Variants in STAM observed in about 807,000 individuals in gnomAD.
The protein encoded by STAM is signal transducing adapter molecule 1.
STAM carries 16 observed loss-of-function variants against 63.4 expected under a neutral mutation model. The ratio of observed to expected loss-of-function variants is 0.25; its 90% CI spans 0.17 to 0.38. The LOEUF is 0.38. STAM is among the 10% of genes least tolerant of loss of function. The pLI is 1.00. For missense variants in STAM, 636 were observed against 657.1 expected (o/e 0.97, Z 0.35); for synonymous variants, 238 against 223.9 (o/e 1.06, Z -0.56).
chr10:17,697,702 T>G lies in STAM; in HGVS notation c.823+833T>G, dbSNP rs950560284. 4.0e-5 allele frequency among the ~76,000 whole-genome samples: 6 copies of G among 151,624 alleles called. No homozygotes were observed. In the Admixed American group the frequency reaches 4.0e-4, roughly 10 times the overall value. On this transcript the variant is annotated intron_variant, in intron 8 of 13. Coordinates refer to ENST00000377524, the MANE Select transcript of STAM (RefSeq NM_003473.4). ...TGATGAGTTTAGTCATCAAGCAAAG[T>G]TTAAGTCATAATCTCCCCTCTAGGA...
chr10:17,657,270 A>G (rs1392751097), intron 1 of STAM, among the ~76,000 whole-genome samples: 1 of 152,068 alleles, frequency 6.6e-6, no homozygotes, highest in Non-Finnish European at 1.5e-5. Context: ...CCAATTTATC[A>G]CTTTTAGAGA....
intron 12 of STAM, among the ~76,000 whole-genome samples, chr10:17,707,005 A>T (rs1554829353): frequency 6.6e-6 from 1 of 152,220 alleles, no homozygotes; most frequent in Admixed American, 6.5e-5. Flanking sequence ...TTACATGAGA[A>T]TGCATGCAAT....
intron 9 of STAM, among the ~76,000 whole-genome samples, chr10:17,703,110 A>G (rs191212528): frequency 1.6e-4 from 24 of 152,054 alleles, no homozygotes; most frequent in African/African-American, 5.5e-4. Context: ...GACACTAAAT[A>G]ATTTTAAATA....
intron 5 of STAM, among the ~76,000 whole-genome samples, chr10:17,692,404 G>T (rs192866425): frequency 2.6e-5 from 4 of 152,210 alleles, no homozygotes; most frequent in African/African-American, 4.8e-5. Context: ...GGAGCCATAG[G>T]GGGAGAACGT....
At chr10:17,701,322 AT>A (rs1835985349) in intron 9 of STAM, among the ~76,000 whole-genome samples, 1 of 152,216 alleles carries the variant, frequency 6.6e-6, no homozygotes, top group Non-Finnish European at 1.5e-5. Flanking sequence ...ACTTATTACC[AT>A]GTTTTAAAAA....
chr10:17,648,786 A>G (rs1212503101), intron 1 of STAM, among the ~76,000 whole-genome samples: 1 of 152,334 alleles, frequency 6.6e-6, no homozygotes, highest in East Asian at 1.9e-4. Flanking sequence ...AAAATGTTAG[A>G]TAATGTCAGT....
intron 6 of STAM, among the ~76,000 whole-genome samples, chr10:17,693,645 C>T (rs1013504609): frequency 3.3e-5 from 5 of 152,128 alleles, no homozygotes; most frequent in South Asian, 4.1e-4. Context: ...GAGATCTATT[C>T]GTGTGATATA....
chr10:17,665,669 C>T (rs10218862), intron 2 of STAM, among the ~76,000 whole-genome samples: 91,099 of 151,502 alleles, frequency 0.6, 28,183 homozygotes, highest in African/African-American at 0.75. Context: ...GAATATCTAA[C>T]ACATATACAT....
intron 13 of STAM, among the ~76,000 whole-genome samples, chr10:17,713,637 T>C (rs1225551101): frequency 6.6e-6 from 1 of 152,184 alleles, no homozygotes; most frequent in Non-Finnish European, 1.5e-5. Flanking sequence ...CTGTTCATTA[T>C]CATATTTTGA....
chr10:17,657,224 G>A (rs1554822258), intron 1 of STAM, among the ~76,000 whole-genome samples: 1 of 152,092 alleles, frequency 6.6e-6, no homozygotes, highest in African/African-American at 2.4e-5. Context: ...AACACTTGTG[G>A]ACTGTTAGGA....
At chr10:17,663,048 A>G (rs759810598) in intron 2 of STAM, among the ~76,000 whole-genome samples, 32 of 152,124 alleles carry the variant, frequency 2.1e-4, no homozygotes, top group Non-Finnish European at 2.2e-4. Flanking sequence ...AATTGGGTCA[A>G]TTGCTTGAAG....
chr10:17,708,719 T>G, intron 12 of STAM, 57 bp from the exon 13 acceptor site: 1 of 1,498,432 alleles, frequency 6.7e-7, no homozygotes. Context: ...ACAGAGAAAG[T>G]TCAGTATGCT....
intron 7 of STAM, 72 bp downstream of exon 7, chr10:17,695,313 G>C (rs1835711697): frequency 7.3e-7 from 1 of 1,378,840 alleles, no homozygotes; most frequent in Non-Finnish European, 9.9e-7. Context: ...TATTCCTGTT[G>C]ATTGCAGTTA....
At chr10:17,709,977 T>A (rs1364647369) in intron 13 of STAM, among the ~76,000 whole-genome samples, 3 of 150,376 alleles carry the variant, frequency 2.0e-5, no homozygotes, top group African/African-American at 7.4e-5. Flanking sequence ...GATTTTTTTT[T>A]AAGTTGAAAT....
intron 8 of STAM, among the ~76,000 whole-genome samples, chr10:17,697,501 T>G (rs1261370688): frequency 2.0e-5 from 3 of 152,200 alleles, no homozygotes; most frequent in Admixed American, 6.5e-5. Flanking sequence ...GTTTTTTGTT[T>G]GATTTACAAA....
intron 2 of STAM, among the ~76,000 whole-genome samples, chr10:17,672,144 TA>T (rs1834665692): frequency 6.6e-6 from 1 of 152,182 alleles, no homozygotes; most frequent in Non-Finnish European, 1.5e-5. Context: ...TCCTCCTATA[TA>T]GCAATGGAAA....
intron 1 of STAM, among the ~76,000 whole-genome samples, chr10:17,658,927 G>A (rs901794334): frequency 6.6e-6 from 1 of 152,084 alleles, no homozygotes; most frequent in Admixed American, 6.5e-5. Flanking sequence ...CCATTGACAT[G>A]TAAAGTGACT....
At chr10:17,665,872 C>T (rs10218865) in intron 2 of STAM, among the ~76,000 whole-genome samples, 16,405 of 152,048 alleles carry the variant, frequency 0.11, 969 homozygotes, top group Middle Eastern at 0.15. Context: ...CACATGATTT[C>T]TACTGCGCAA....
intron 8 of STAM, 39 bp from the exon 9 acceptor site, chr10:17,700,152 T>G (rs782607586): frequency 1.3e-6 from 2 of 1,489,036 alleles, no homozygotes; most frequent in Admixed American, 3.8e-5. Context: ...GAATTTTAAA[T>G]GTATTATTAA....
Sources: allele counts gnomAD v4.1 joint callset (sites outside exome capture counted in the v4.1 genomes callset), GRCh38; gene constraint gnomAD v4.1.1; transcripts MANE v1.5; gene names NCBI Gene and HGNC (gene_info 2026-07-23, HGNC 2026-07-21).